The following LRRC8D variants were observed in gnomAD, a reference collection of about 807,000 sequenced individuals.
LRRC8D encodes volume-regulated anion channel subunit LRRC8D.
A neutral mutation model predicts 55.8 loss-of-function variants in LRRC8D; 20 were observed. That is an observed-to-expected ratio of 0.36 (90% CI 0.25 to 0.52). LRRC8D has a LOEUF of 0.52. LRRC8D is among the 20% of genes least tolerant of loss of function. The probability of loss-of-function intolerance (pLI) is 0.93; values close to 1 mark genes in which losing one functional copy is unlikely to be tolerated. For synonymous variants in LRRC8D, 352 were observed against 377.0 expected (o/e 0.93, Z 0.77); for missense variants, 651 against 1,030.8 (o/e 0.63, Z 5.05).
chr1:89,860,756 CAA>C (rs1181859656), intron 2 of LRRC8D, among the ~76,000 whole-genome samples: 12 of 18,830 alleles, frequency 6.4e-4, no homozygotes, highest in South Asian at 4.9e-3. Flanking sequence ...GACTCTATCT[CAA>C]AAAAAAAAAA....
At chr1:89,872,436 A>G (rs1662032649) in intron 2 of LRRC8D, among the ~76,000 whole-genome samples, 1 of 152,178 alleles carries the variant, frequency 6.6e-6, no homozygotes, top group African/African-American at 2.4e-5. Context: ...AGGATCTTTC[A>G]ATGGCAGTGA....
At chr1:89,897,369 G>A (rs1438813452) in intron 2 of LRRC8D, among the ~76,000 whole-genome samples, 1 of 152,154 alleles carries the variant, frequency 6.6e-6, no homozygotes. Context: ...TTATCTACAG[G>A]CCTGTTGCCA....
intron 2 of LRRC8D, among the ~76,000 whole-genome samples, chr1:89,897,732 A>C (rs79794609): frequency 1.3e-5 from 2 of 152,168 alleles, no homozygotes; most frequent in African/African-American, 4.8e-5. Context: ...TGAAAAAAAA[A>C]CTGATTTGCT....
chr1:89,867,434 A>G (rs1287045219), intron 2 of LRRC8D, among the ~76,000 whole-genome samples: 1 of 152,160 alleles, frequency 6.6e-6, no homozygotes, highest in African/African-American at 2.4e-5. Flanking sequence ...GTATATTCAC[A>G]TTGTTTTGAA....
chr1:89,860,785 A>AAAAAAAATATATATAT, intron 2 of LRRC8D, among the ~76,000 whole-genome samples: 1 of 28,198 alleles, frequency 3.5e-5, no homozygotes, highest in Non-Finnish European at 7.2e-5. Context: ...AAAAAAAAAA[A>AAAAAAAATATATATAT]ATATATATAT....
intron 2 of LRRC8D, among the ~76,000 whole-genome samples, chr1:89,874,413 T>G (rs997923877): frequency 3.3e-5 from 5 of 151,520 alleles, no homozygotes; most frequent in Admixed American, 6.6e-5. Flanking sequence ...TCTGTTTTCC[T>G]TTATTATTCC....
chr1:89,844,305 G>A (rs1344946442), intron 2 of LRRC8D, among the ~76,000 whole-genome samples: 36 of 152,166 alleles, frequency 2.4e-4, no homozygotes, highest in Admixed American at 2.4e-3. Flanking sequence ...TCAGAAATCA[G>A]CTCTTCAGCT....
At chr1:89,899,802 A>T (rs1662805956) in intron 2 of LRRC8D, among the ~76,000 whole-genome samples, 1 of 152,196 alleles carries the variant, frequency 6.6e-6, no homozygotes, top group East Asian at 1.9e-4. Context: ...GGTCCTGGGG[A>T]TCCTTTGAAA....
At chr1:89,914,284 G>A (rs1168449876) in intron 2 of LRRC8D, among the ~76,000 whole-genome samples, 1 of 152,188 alleles carries the variant, frequency 6.6e-6, no homozygotes, top group Non-Finnish European at 1.5e-5. Flanking sequence ...CGCCCACCCG[G>A]AACTCCAGCT....
chr1:89,903,213 T>C (rs1299139340), intron 2 of LRRC8D, among the ~76,000 whole-genome samples: 1 of 120,804 alleles, frequency 8.3e-6, no homozygotes, highest in Non-Finnish European at 1.8e-5. Context: ...GAGGGTAGAG[T>C]TGTGGGTGTG....
intron 2 of LRRC8D, among the ~76,000 whole-genome samples, chr1:89,892,370 A>G (rs1662599481): frequency 6.6e-6 from 1 of 152,128 alleles, no homozygotes; most frequent in Admixed American, 6.5e-5. Flanking sequence ...CCTTTTCAGC[A>G]TTGTGTGATT....
intron 2 of LRRC8D, among the ~76,000 whole-genome samples, chr1:89,916,116 G>C (rs1455599846): frequency 2.0e-4 from 30 of 152,188 alleles, no homozygotes; most frequent in Admixed American, 2.0e-3. Context: ...TTTATTGCAG[G>C]GGGAAATGTT....
chr1:89,829,417 C>T (rs944277948), intron 1 of LRRC8D, among the ~76,000 whole-genome samples: 4 of 152,278 alleles, frequency 2.6e-5, no homozygotes, highest in East Asian at 3.9e-4. Context: ...TTTGCAACAA[C>T]GTCACATAGA....
At chr1:89,889,554 A>G (rs1662508632) in intron 2 of LRRC8D, among the ~76,000 whole-genome samples, 1 of 151,302 alleles carries the variant, frequency 6.6e-6, no homozygotes, top group African/African-American at 2.4e-5. Flanking sequence ...CTCTAAATCT[A>G]AAACTATACT....
rs79579707 is a variant in LRRC8D at position 89,919,710 on chromosome 1, T to C, written c.-2-13357T>C. Among the ~76,000 whole-genome samples, 533 of 152,354 alleles carry C rather than the reference T, an allele frequency of 3.5e-3. 2 individuals carry two copies. Among genetic ancestry groups the C allele is most frequent in the Admixed American group, 7.9e-3 (121 of 15,306 alleles). On this transcript the variant is annotated intron_variant, in intron 2 of 2. Transcript: ENST00000337338. ...CTCTGGAGCCTTTATTAAGGTCTCT[T>C]AGCTGCCAGACTGTTTTAGGGACTA...
intron 2 of LRRC8D, among the ~76,000 whole-genome samples, chr1:89,914,568 C>G (rs1663211806): frequency 6.6e-6 from 1 of 152,178 alleles, no homozygotes; most frequent in Non-Finnish European, 1.5e-5. Flanking sequence ...ATATGTCAGC[C>G]ATACATAATG....
chr1:89,898,089 C>T (rs1449671609), intron 2 of LRRC8D, among the ~76,000 whole-genome samples: 1 of 152,146 alleles, frequency 6.6e-6, no homozygotes, highest in East Asian at 1.9e-4. Flanking sequence ...TTAGTGCTCA[C>T]AGGCAGCCGA....
chr1:89,848,689 GT>G (rs1314432390), intron 2 of LRRC8D, among the ~76,000 whole-genome samples: 2 of 151,616 alleles, frequency 1.3e-5, no homozygotes, highest in African/African-American at 4.8e-5. Flanking sequence ...AACCCTGTTT[GT>G]TTTTTTGGTT....
intron 1 of LRRC8D, among the ~76,000 whole-genome samples, chr1:89,823,591 C>T (rs1369649491): frequency 6.6e-6 from 1 of 152,140 alleles, no homozygotes; most frequent in Non-Finnish European, 1.5e-5. Context: ...GAAGTGGTAG[C>T]TTGTAAGAGA....
Sources: allele counts gnomAD v4.1 joint callset (sites outside exome capture counted in the v4.1 genomes callset), GRCh38; gene constraint gnomAD v4.1.1; transcripts MANE v1.5; gene names NCBI Gene and HGNC (gene_info 2026-07-23, HGNC 2026-07-21).